Variants in TAOK2 observed in about 807,000 individuals in gnomAD.
The protein encoded by TAOK2 is TAO kinase 2, also known as serine/threonine-protein kinase TAO2.
TAOK2 carries 42 observed loss-of-function variants against 122.5 expected under a neutral mutation model. The ratio of observed to expected loss-of-function variants is 0.34; its 90% CI spans 0.27 to 0.44. The LOEUF (loss-of-function observed/expected upper bound fraction) is 0.44. Among genes scored for constraint, TAOK2 ranks in the 20% least tolerant of loss-of-function variants. The pLI is 1.00. For missense variants in TAOK2, 1,264 were observed against 1,644.9 expected (o/e 0.77, Z 4.01); for synonymous variants, 704 against 677.6 (o/e 1.04, Z -0.61).
downstream of TAOK2, chr16:29,990,919 G>C: frequency 6.2e-7 from 1 of 1,613,548 alleles, no homozygotes; most frequent in Non-Finnish European, 8.5e-7. Flanking sequence ...GGAGCTGCGG[G>C]AGCTGGAGCA....
At chr16:29,977,151 C>G (rs1251479459) in intron 1 of TAOK2, among the ~76,000 whole-genome samples, 1 of 152,170 alleles carries the variant, frequency 6.6e-6, no homozygotes, top group Non-Finnish European at 1.5e-5. Flanking sequence ...ATTTATATCC[C>G]TATTCTTCCC....
downstream of TAOK2, chr16:29,991,330 C>G (rs1459031910): frequency 1.9e-6 from 3 of 1,604,178 alleles, no homozygotes; most frequent in Non-Finnish European, 2.6e-6. The surrounding 1 kb of genome is among the most constrained non-coding windows in gnomAD (Gnocchi z 5.6). Context: ...CGTCAGCCGT[C>G]TCTGCTGGCT....
At chr16:29,981,314 T>C in intron 8 of TAOK2, 1 of 552,816 alleles carries the variant, frequency 1.8e-6, no homozygotes, top group South Asian at 2.6e-5. Context: ...GCCTAATTCT[T>C]GTTTTTATCT....
chr16:29,975,728 G>A (rs2069434999), intron 1 of TAOK2, among the ~76,000 whole-genome samples: 1 of 152,186 alleles, frequency 6.6e-6, no homozygotes. Flanking sequence ...CCAAGCTGTT[G>A]GGGTAGAATG....
In TAOK2 at chr16:29,979,245, T is replaced by A; in HGVS notation, c.500T>A (p.Leu167Gln). The part of the protein sequence containing the change: ...ILLSEPGLVK[L>Q]GDFGSASIMA... ...CTGTCAGAGCCAGGGTTAGTGAAGC[T>A]AGGGGACTTTGGTTCTGCGTCCATC... Residue 167 changes from leucine to glutamine, a missense_variant, in exon 7 of 16, where the codon CTA becomes CAA. Coordinates refer to ENST00000308893, the MANE Select transcript of TAOK2 (RefSeq NM_016151.4). The surrounding 1 kb of genome is among the most constrained non-coding windows in gnomAD (Gnocchi z 4.1). 6.2e-7 allele frequency: 1 copy of A among 1,614,226 alleles called. No individual in the cohort carries two copies. Among genetic ancestry groups the A allele is most frequent in the Non-Finnish European group, 8.5e-7 (1 of 1,180,040 alleles).
At chr16:29,982,073 A>C in intron 10 of TAOK2, 133 bp downstream of exon 10, 2 of 703,332 alleles carry the variant, frequency 2.8e-6, no homozygotes, top group Non-Finnish European at 5.0e-6. Flanking sequence ...CCCATCCCCA[A>C]TGCCTAGTGG....
chr16:29,983,573 C>G lies in TAOK2; in HGVS notation c.1331C>G (p.Ala444Gly). Residue 444 changes from alanine (A) to glycine (G), a missense_variant, in exon 13 of 16, where the codon GCC (alanine) becomes GGC (glycine). Transcript: ENST00000308893. ...ITPSPLQPPA[A>G]PAPTSTTSSA... ...CCCAGCCCTCTCCAGCCGCCTGCAG[C>G]CCCAGCTCCCACTTCCACCACCTCT... The G allele has an allele frequency of 1.9e-6, 3 of 1,614,040 alleles. No individual in the cohort carries two copies. The highest frequency in any genetic ancestry group is 2.5e-6 in the Non-Finnish European group (3 of 1,180,012).
chr16:29,991,549 C>T (rs866748442), downstream of TAOK2: 2 of 1,480,036 alleles, frequency 1.4e-6, no homozygotes, highest in African/African-American at 1.4e-5. The surrounding 1 kb of genome is among the most constrained non-coding windows in gnomAD (Gnocchi z 5.6). Context: ...CTCAATGGTT[C>T]TTCCCACTTC....
chr16:29,989,659 G>A (rs774061936), downstream of TAOK2: 2 of 1,614,100 alleles, frequency 1.2e-6, no homozygotes, highest in East Asian at 2.2e-5. Flanking sequence ...GCAGTACAAG[G>A]CTCTGCGAGC....
Position 29,988,078 on chromosome 16 carries a change from C to T in TAOK2, c.*98C>T. The T allele has an allele frequency of 1.4e-6, 2 of 1,440,738 alleles. No homozygotes were observed. Among genetic ancestry groups the T allele is most frequent in the Non-Finnish European group, 1.8e-6 (2 of 1,102,346 alleles). The allele number at this position is 1,440,738 out of a possible 1,614,324, so 89.2% of individuals were successfully genotyped here. On this transcript the variant is annotated 3_prime_UTR_variant, in exon 16 of 16. Coordinates refer to ENST00000308893, the MANE Select transcript of TAOK2 (RefSeq NM_016151.4). ...CAGTCCCTAGTCCTCTCTTTTCACC[C>T]ACCTTCCTCAGTTTGCTCACTTACC...
Position 29,987,806 on chromosome 16 carries a change from C to T in TAOK2, c.3534C>T (p.His1178=). The stretch of plus-strand genomic sequence containing the variant: ...CCCACTTGCCCCCGTGGGCCATCCA[C>T]ACACTGGCCAGCTGGGGCCTGCTTC... ...LASHLPPWAI[H]TLASWGLLRG... The change falls in exon 16 of 16, where the codon CAC becomes CAT. Residue 1178 remains histidine (H), a synonymous_variant. Transcript: ENST00000308893. 1.2e-6 allele frequency: 2 copies of T among 1,613,648 alleles called. No homozygotes were observed. The highest frequency in any genetic ancestry group is 2.2e-5 in the South Asian group (2 of 91,084).
downstream of TAOK2, chr16:29,989,601 G>A (rs1205281137): frequency 5.0e-6 from 8 of 1,613,842 alleles, no homozygotes; most frequent in Non-Finnish European, 6.8e-6. Flanking sequence ...AGTCTAAGGA[G>A]CTGCAGATCA....
downstream of TAOK2, chr16:29,991,265 T>C: frequency 1.9e-6 from 3 of 1,612,060 alleles, no homozygotes; most frequent in Non-Finnish European, 2.5e-6. This position sits in a 1 kb window ranked among gnomAD's most constrained non-coding sequence, Gnocchi z 5.6. Context: ...TTCCCCGTTC[T>C]GGGGCACACT....
chr16:29,988,357 A>C lies in TAOK2; in HGVS notation c.*377A>C, dbSNP rs979119273. On this transcript the variant is annotated 3_prime_UTR_variant, in exon 16 of 16. Coordinates refer to ENST00000308893, the MANE Select transcript of TAOK2 (RefSeq NM_016151.4). ...CTGTCCCCTTCCCCCCACCAAAAAA[A>C]GAAAAAGACAAACACAAATAAAATA... 7.4e-7 allele frequency: 1 copy of C among 1,358,486 alleles called. No homozygotes were observed. The allele number at this position is 1,358,486 out of a possible 1,614,324, so 84.2% of individuals were successfully genotyped here. A position where few individuals can be genotyped will look rare whatever the true frequency, so the allele number is the denominator to read the frequency against.
At chr16:29,984,254 G>A (rs1398621626) in intron 13 of TAOK2, among the ~76,000 whole-genome samples, 1 of 152,200 alleles carries the variant, frequency 6.6e-6, no homozygotes, top group Non-Finnish European at 1.5e-5. Context: ...GGAGAAATGA[G>A]GCACCTGTGG....
chr16:29,990,872 G>A, downstream of TAOK2: 1 of 1,613,710 alleles, frequency 6.2e-7, no homozygotes, highest in Non-Finnish European at 8.5e-7. Flanking sequence ...GCTTACCAGA[G>A]CAAGATCAAG....
rs141485756 is a variant in TAOK2 at position 29,985,760 on chromosome 16, C to G, written c.1891C>G (p.Leu631Val). 16 of 1,611,462 alleles carry G rather than the reference C, an allele frequency of 9.9e-6. No individual in the cohort carries two copies. Among genetic ancestry groups the G allele is most frequent in the African/African-American group, 5.3e-5 (4 of 74,828 alleles). Residue 631 changes from leucine (L) to valine (V), a missense_variant, in exon 15 of 16, where the codon CTG (leucine) becomes GTG (valine). Leu to Val is a conservative substitution (Grantham distance 32). Around this residue, in one of 4 missense-constraint regions of TAOK2, gnomAD observed 824 missense variants for 908.7 expected, o/e 0.91. Transcript: ENST00000308893. This position sits in a 1 kb window ranked among gnomAD's most constrained non-coding sequence, Gnocchi z 6.9. ...GTGCCAGGCGGAGGAGGAAGCAGGGCTGCTGCGGCGGCAGCGCCAGTACTT... is the reference window on the plus strand; with the variant it reads ...GTGCCAGGCGGAGGAGGAAGCAGGGGTGCTGCGGCGGCAGCGCCAGTACTT... ...QQCQAEEEAG[L>V]LRRQRQYFEL...
In TAOK2 at chr16:29,986,976, G is replaced by A; in HGVS notation, c.2704G>A (p.Glu902Lys). Residue 902 changes from glutamate (E) to lysine (K), a missense_variant, in exon 16 of 16, where the codon GAG (glutamate) becomes AAG (lysine). Glu to Lys is a moderately conservative substitution (Grantham distance 56, BLOSUM62 1). Transcript: ENST00000308893. This position sits in a 1 kb window ranked among gnomAD's most constrained non-coding sequence, Gnocchi z 4.2. ...GPALTPVPEE[E>K]EEEEEGAPIG... ...AGCACTGACTCCCGTCCCTGAGGAG[G>A]AGGAAGAAGAGGAAGAGGGGGCTCC... 2 of 1,613,554 alleles carry A rather than the reference G, an allele frequency of 1.2e-6. No homozygotes were observed. The highest frequency in any genetic ancestry group is 1.7e-6 in the Non-Finnish European group (2 of 1,179,656).
chr16:29,988,097 A>C lies in TAOK2; in HGVS notation c.*117A>C. 1 of 1,435,710 alleles carries C rather than the reference A, an allele frequency of 7.0e-7. No homozygotes were observed. Among genetic ancestry groups the C allele is most frequent in the Non-Finnish European group, 9.1e-7 (1 of 1,099,838 alleles). The allele number at this position is 1,435,710 out of a possible 1,614,324, so 88.9% of individuals were successfully genotyped here. A position where few individuals can be genotyped will look rare whatever the true frequency, so the allele number is the denominator to read the frequency against. On this transcript the variant is annotated 3_prime_UTR_variant, in exon 16 of 16. Transcript: ENST00000308893. The stretch of plus-strand genomic sequence containing the variant: ...TTCACCCACCTTCCTCAGTTTGCTC[A>C]CTTACCCCAGGCCCAGCCCTTCGGA...
Sources: allele counts gnomAD v4.1 joint callset (sites outside exome capture counted in the v4.1 genomes callset), GRCh38; gene constraint gnomAD v4.1.1; regional missense constraint gnomAD v4.1.1; non-coding constraint Gnocchi (gnomAD v3.1); transcripts MANE v1.5; gene names NCBI Gene and HGNC (gene_info 2026-07-23, HGNC 2026-07-21).